Variants in ZFPM2 observed in about 807,000 individuals in gnomAD.
ZFPM2 encodes the protein zinc finger protein ZFPM2.
A neutral mutation model predicts 98.6 loss-of-function variants in ZFPM2; 20 were observed. The observed-to-expected ratio is 0.20, with a 90% CI of 0.14 to 0.29. The LOEUF (loss-of-function observed/expected upper bound fraction) is 0.29. Ranked by LOEUF, ZFPM2 falls within the 10% of genes least tolerant of loss-of-function variation. The pLI, the probability that ZFPM2 is intolerant of heterozygous loss-of-function variation, is 1.00. For missense variants in ZFPM2, 1,310 were observed against 1,388.6 expected (o/e 0.94, Z 0.90); for synonymous variants, 518 against 502.7 (o/e 1.03, Z -0.41).
At chr8:105,485,170 A>G (rs141444831) in intron 3 of ZFPM2, among the ~76,000 whole-genome samples, 5 of 152,324 alleles carry the variant, frequency 3.3e-5, no homozygotes, top group Admixed American at 6.5e-5. Flanking sequence ...CTAAGCCTTA[A>G]TCATTGACCA....
intron 3 of ZFPM2, among the ~76,000 whole-genome samples, chr8:105,560,471 T>A (rs536718814): frequency 6.6e-6 from 1 of 152,136 alleles, no homozygotes; most frequent in Non-Finnish European, 1.5e-5. Flanking sequence ...GTAATACTCT[T>A]TGGGGAATAA....
At chr8:105,537,349 A>G (rs1300090684) in intron 3 of ZFPM2, among the ~76,000 whole-genome samples, 1 of 152,156 alleles carries the variant, frequency 6.6e-6, no homozygotes, top group Non-Finnish European at 1.5e-5. Flanking sequence ...TTTTTCTGGT[A>G]GAAAATAAAA....
At chr8:105,414,769 G>T (rs1447387354) in intron 1 of ZFPM2, 1 of 151,922 alleles carries the variant, frequency 6.6e-6, no homozygotes, top group African/African-American at 2.4e-5. Flanking sequence ...TCTTAACCAT[G>T]CAAATCCACT....
At chr8:105,683,398 G>C (rs1810656599) in intron 5 of ZFPM2, among the ~76,000 whole-genome samples, 2 of 152,222 alleles carry the variant, frequency 1.3e-5, no homozygotes, top group South Asian at 4.1e-4. Context: ...CATTCAAACA[G>C]CCTCGTGGAA....
intron 5 of ZFPM2, among the ~76,000 whole-genome samples, chr8:105,686,805 A>G (rs1810747665): frequency 6.6e-6 from 1 of 152,196 alleles, no homozygotes; most frequent in African/African-American, 2.4e-5. Flanking sequence ...AAGTGTTTCT[A>G]CAGAAAATTC....
At chr8:105,701,728 T>G (rs1355886711) in intron 5 of ZFPM2, among the ~76,000 whole-genome samples, 1 of 152,182 alleles carries the variant, frequency 6.6e-6, no homozygotes, top group African/African-American at 2.4e-5. Context: ...GAAAATATAG[T>G]CTTCATGGTG....
Position 105,653,854 on chromosome 8 carries a change from C to CTTTTTTTTTTTT in ZFPM2, c.532+19519_532+19530dup, listed in dbSNP as rs60218363. On this transcript the variant is annotated intron_variant, in intron 5 of 7. Transcript: ENST00000407775. ...CTTTATACAACAGCTTGTGTGCTATCTTTTTTTTTTTTTTTTTTTTTTTTT... is the reference window on the plus strand; with the variant it reads ...CTTTATACAACAGCTTGTGTGCTATCTTTTTTTTTTTTTTTTTTTTTTTTTTTTTTTTTTTTT... Among the ~76,000 whole-genome samples, 228 of 35,288 alleles carry CTTTTTTTTTTTT rather than the reference C, an allele frequency of 6.5e-3. 42 individuals are homozygous for CTTTTTTTTTTTT. Among genetic ancestry groups the CTTTTTTTTTTTT allele is most frequent in the Non-Finnish European group, 9.3e-3 (189 of 20,364 alleles). The allele number at this position is 35,288 out of a possible 152,430, so 23.2% of individuals were successfully genotyped here.
chr8:105,319,631 C>G (rs553211184), intron 1 of ZFPM2: 65 of 152,602 alleles, frequency 4.3e-4, no homozygotes, highest in African/African-American at 1.4e-3. Context: ...CCTGGGACTT[C>G]GGGCGGGTCC....
At position 105,538,677 on chromosome 8, in the gene ZFPM2, A is replaced by G. The variant is rs192288313; in HGVS notation, c.302-22686A>G. ...TTCCAAGATCATTGTTATTTTCTTG[A>G]TCTGTTTAAAAGGATCTCATAGCTT... On this transcript the variant is annotated intron_variant, in intron 3 of 7. Transcript: ENST00000407775. Among the ~76,000 whole-genome samples, 5 of 151,016 alleles carry G rather than the reference A, an allele frequency of 3.3e-5. 1 individual carries two copies. Among genetic ancestry groups the G allele is most frequent in the Admixed American group, 3.3e-4 (5 of 15,150 alleles).
intron 3 of ZFPM2, among the ~76,000 whole-genome samples, chr8:105,459,899 T>C (rs1365457752): frequency 6.6e-6 from 1 of 152,130 alleles, no homozygotes; most frequent in African/African-American, 2.4e-5. Flanking sequence ...CAAAGTCTGC[T>C]GTCAGGAAAA....
chr8:105,483,502 A>C (rs1482116755), intron 3 of ZFPM2, among the ~76,000 whole-genome samples: 1 of 151,556 alleles, frequency 6.6e-6, no homozygotes, highest in Non-Finnish European at 1.5e-5. Context: ...AGGCAGGAGA[A>C]TCACTTGAAT....
At chr8:105,777,337 C>G (rs1813125310) in intron 5 of ZFPM2, among the ~76,000 whole-genome samples, 1 of 152,140 alleles carries the variant, frequency 6.6e-6, no homozygotes, top group Non-Finnish European at 1.5e-5. Flanking sequence ...TTTCTATAAT[C>G]AAGTTAATGA....
intron 4 of ZFPM2, among the ~76,000 whole-genome samples, chr8:105,614,414 TC>T (rs952829229): frequency 3.0e-4 from 45 of 152,100 alleles, no homozygotes; most frequent in African/African-American, 9.9e-4. Flanking sequence ...TAGACACCCC[TC>T]CCTAAAATCT....
chr8:105,336,957 T>C (rs1812338670), intron 1 of ZFPM2, among the ~76,000 whole-genome samples: 1 of 151,830 alleles, frequency 6.6e-6, no homozygotes, highest in Non-Finnish European at 1.5e-5. Flanking sequence ...GTTTAGTTGT[T>C]GTATTTTTCC....
chr8:105,488,085 T>A (rs556462795), intron 3 of ZFPM2, among the ~76,000 whole-genome samples: 106 of 152,056 alleles, frequency 7.0e-4, no homozygotes, highest in African/African-American at 2.4e-3. Context: ...ACCACAACAG[T>A]ACATTTGTTA....
intron 3 of ZFPM2, among the ~76,000 whole-genome samples, chr8:105,463,269 A>G (rs1812735546): frequency 6.8e-6 from 1 of 146,476 alleles, no homozygotes; most frequent in Non-Finnish European, 1.5e-5. Context: ...CCATCTCTCT[A>G]TATTTAAAAC....
intron 3 of ZFPM2, among the ~76,000 whole-genome samples, chr8:105,523,135 T>A (rs2130555054): frequency 6.6e-6 from 1 of 152,300 alleles, no homozygotes; most frequent in East Asian, 1.9e-4. Flanking sequence ...TTTTTTGAGA[T>A]GATAAAATGA....
chr8:105,798,541 TACA>T (rs1813901102), intron 6 of ZFPM2, 180 bp from the exon 7 acceptor site: 5 of 563,900 alleles, frequency 8.9e-6, no homozygotes, highest in Admixed American at 3.0e-5. Flanking sequence ...AATTGCAGAG[TACA>T]ACATTTCTTT....
chr8:105,777,414 A>T (rs1368097800), intron 5 of ZFPM2, among the ~76,000 whole-genome samples: 2 of 152,324 alleles, frequency 1.3e-5, no homozygotes, highest in East Asian at 3.9e-4. Flanking sequence ...GGAAAAGGCA[A>T]AGAATAATTT....
Sources: gnomAD v4.1 joint callset for allele counts (sites outside exome capture counted in the v4.1 genomes callset) on GRCh38, gnomAD v4.1.1 for gene constraint, MANE v1.5 for transcripts, NCBI Gene and HGNC (gene_info 2026-07-23, HGNC 2026-07-21) for gene names.